CACNB2: variants seen among roughly 807,000 people sequenced by gnomAD.
CACNB2 encodes the protein voltage-dependent L-type calcium channel subunit beta-2.
In CACNB2, 42 loss-of-function variants were observed where a neutral mutation model predicts 73.3. The observed-to-expected ratio is 0.57, with a 90% CI of 0.45 to 0.74. The LOEUF (loss-of-function observed/expected upper bound fraction) is 0.74, where lower values mean the gene tolerates loss of function less well. Ranked by LOEUF, CACNB2 falls within the 30% of genes least tolerant of loss-of-function variation. CACNB2 has a pLI of 0.00. For missense variants in CACNB2, 940 were observed against 853.0 expected, an observed-to-expected ratio of 1.10 and a Z score of -1.27; for synonymous variants, 348 against 310.3, an observed-to-expected ratio of 1.12 and a Z score of -1.28.
chr10:18,408,853 G>A (rs987570723), intron 3 of CACNB2, among the ~76,000 whole-genome samples: 3 of 151,990 alleles, frequency 2.0e-5, no homozygotes, highest in African/African-American at 7.2e-5. Context: ...CTTCAGGTTT[G>A]TTTATTATTA....
In CACNB2 at chr10:18,183,715, G is replaced by A. The variant is rs554863478; in HGVS notation, c.213+32740G>A. On this transcript the variant is annotated intron_variant, in intron 2 of 13. Transcript: ENST00000324631. ...GAATTATGGGAGCTACAACTCAAGA[G>A]GAGATTTGGGTAGGGACAAAGCCAA... Among the ~76,000 whole-genome samples the A allele has an allele frequency of 2.0e-5, 3 of 152,302 alleles. No homozygotes were observed. In the East Asian group the frequency reaches 5.8e-4, roughly 29 times the overall value.
chr10:18,159,269 C>T (rs896569684), intron 2 of CACNB2, among the ~76,000 whole-genome samples: 6 of 152,176 alleles, frequency 3.9e-5, no homozygotes, highest in African/African-American at 2.4e-5. Flanking sequence ...GCGTATAGCC[C>T]GGACTCGCGA....
chr10:18,162,852 T>A (rs1160991657), intron 2 of CACNB2, among the ~76,000 whole-genome samples: 2 of 152,142 alleles, frequency 1.3e-5, no homozygotes, highest in African/African-American at 4.8e-5. Flanking sequence ...ATAGTGAGCA[T>A]AGATAGTTTT....
chr10:18,534,613 G>A (rs1159057708), intron 11 of CACNB2, among the ~76,000 whole-genome samples: 1 of 152,238 alleles, frequency 6.6e-6, no homozygotes, highest in Non-Finnish European at 1.5e-5. Flanking sequence ...AGCAGTTACT[G>A]TATTCACCGC....
intron 2 of CACNB2, among the ~76,000 whole-genome samples, chr10:18,209,233 A>C (rs2035221860): frequency 6.6e-6 from 1 of 152,212 alleles, no homozygotes; most frequent in African/African-American, 2.4e-5. Context: ...CATATGCCTT[A>C]GGCAAACAAT....
intron 3 of CACNB2, among the ~76,000 whole-genome samples, chr10:18,414,170 C>A (rs1296586529): frequency 1.3e-5 from 2 of 152,206 alleles, no homozygotes; most frequent in African/African-American, 4.8e-5. Context: ...CATCCCCACC[C>A]ATCCCAGTGA....
intron 2 of CACNB2, among the ~76,000 whole-genome samples, chr10:18,198,582 G>C (rs2034731026): frequency 6.6e-6 from 1 of 152,152 alleles, no homozygotes; most frequent in African/African-American, 2.4e-5. Context: ...TTGTCTACTG[G>C]AAAATAGCCT....
At chr10:18,242,309 C>A (rs1291992284) in intron 2 of CACNB2, among the ~76,000 whole-genome samples, 2 of 151,916 alleles carry the variant, frequency 1.3e-5, no homozygotes, top group East Asian at 3.8e-4. Flanking sequence ...AAGAATTAGG[C>A]CCACACCTTG....
chr10:18,169,585 C>A (rs775478894), intron 2 of CACNB2, among the ~76,000 whole-genome samples: 2 of 152,078 alleles, frequency 1.3e-5, no homozygotes, highest in Non-Finnish European at 2.9e-5. Context: ...GTACTTTGCC[C>A]ATTCACTTTT....
intron 2 of CACNB2, among the ~76,000 whole-genome samples, chr10:18,201,424 G>A (rs536500113): frequency 7.9e-5 from 12 of 152,098 alleles, no homozygotes; most frequent in East Asian, 1.9e-4. Flanking sequence ...ACAGGCATGC[G>A]CCACCAGGTC....
intron 3 of CACNB2, among the ~76,000 whole-genome samples, chr10:18,419,042 C>T (rs978835567): frequency 6.6e-6 from 1 of 152,180 alleles, no homozygotes; most frequent in Non-Finnish European, 1.5e-5. Flanking sequence ...TTTCAAGATC[C>T]TTTATGAGGC....
chr10:18,240,069 G>T (rs148738370), intron 2 of CACNB2, among the ~76,000 whole-genome samples: 1,594 of 152,194 alleles, frequency 0.01, 9 homozygotes, highest in Non-Finnish European at 0.018. Context: ...TCTTCAGTAT[G>T]GCAACTTATG....
At chr10:18,328,692 C>T in intron 2 of CACNB2, among the ~76,000 whole-genome samples, 1 of 152,124 alleles carries the variant, frequency 6.6e-6, no homozygotes, top group African/African-American at 2.4e-5. Context: ...CCTAAAGAGA[C>T]TTGTACATTG....
At chr10:18,298,119 A>G (rs144235481) in intron 2 of CACNB2, among the ~76,000 whole-genome samples, 3 of 152,318 alleles carry the variant, frequency 2.0e-5, no homozygotes, top group African/African-American at 7.2e-5. Flanking sequence ...CTGTAATCCT[A>G]GCACTTTGGA....
intron 2 of CACNB2, among the ~76,000 whole-genome samples, chr10:18,317,331 A>G (rs67427028): frequency 0.2 from 30,112 of 151,776 alleles, 3,147 homozygotes; most frequent in Middle Eastern, 0.3. Context: ...TTGGGCTTCT[A>G]AAGATCCCAT....
At chr10:18,462,894 G>A (rs1199277900) in intron 3 of CACNB2, among the ~76,000 whole-genome samples, 1 of 152,016 alleles carries the variant, frequency 6.6e-6, no homozygotes, top group Non-Finnish European at 1.5e-5. Flanking sequence ...GAGTAGCTGG[G>A]ATTACAGGTG....
At chr10:18,452,774 AG>A (rs1332022408) in intron 3 of CACNB2, among the ~76,000 whole-genome samples, 1 of 152,220 alleles carries the variant, frequency 6.6e-6, no homozygotes, top group Non-Finnish European at 1.5e-5. Flanking sequence ...TCACCAAAAA[AG>A]GTTCTCTGGC....
chr10:18,480,391 G>A (rs1475717456), intron 3 of CACNB2, among the ~76,000 whole-genome samples: 1 of 152,072 alleles, frequency 6.6e-6, no homozygotes, highest in Non-Finnish European at 1.5e-5. Flanking sequence ...TGGTTTAATA[G>A]TTATCTGTGG....
chr10:18,472,525 C>T (rs1450637057), intron 3 of CACNB2, among the ~76,000 whole-genome samples: 1 of 152,206 alleles, frequency 6.6e-6, no homozygotes, highest in African/African-American at 2.4e-5. Context: ...GCATGAGCCA[C>T]TGTGCCTGGC....
Sources: allele counts gnomAD v4.1 joint callset (sites outside exome capture counted in the v4.1 genomes callset), GRCh38; gene constraint gnomAD v4.1.1; transcripts MANE v1.5; gene names NCBI Gene and HGNC (gene_info 2026-07-23, HGNC 2026-07-21).